The following LRP2 variants were observed in gnomAD, a reference collection of about 807,000 sequenced individuals.
The protein encoded by LRP2 is low-density lipoprotein receptor-related protein 2.
A neutral mutation model predicts 531.0 loss-of-function variants in LRP2; 172 were observed. The ratio of observed to expected loss-of-function variants is 0.32; its 90% confidence interval spans 0.29 to 0.37. LRP2 has a LOEUF of 0.37. Among genes scored for constraint, LRP2 ranks in the 10% least tolerant of loss-of-function variants. The pLI is 1.00. For synonymous variants in LRP2, 1,992 were observed against 2,027.6 expected (o/e 0.98, Z 0.47); for missense variants, 5,167 against 5,868.3 (o/e 0.88, Z 3.90).
intron 1 of LRP2, among the ~76,000 whole-genome samples, chr2:169,351,160 TA>T (rs1685836243): frequency 6.6e-6 from 1 of 152,190 alleles, no homozygotes; most frequent in Non-Finnish European, 1.5e-5. Context: ...GCTAACCAGT[TA>T]AATAAGGACC....
At chr2:169,295,201 G>A (rs1684105294) in intron 4 of LRP2, among the ~76,000 whole-genome samples, 1 of 152,172 alleles carries the variant, frequency 6.6e-6, no homozygotes, top group South Asian at 2.1e-4. Context: ...TAGAGTTCAG[G>A]AGCCCTGGCG....
Position 169,128,619 on chromosome 2 carries a change from GT to G in LRP2, c.*43del. On this transcript the variant is annotated 3_prime_UTR_variant, in exon 79 of 79. Transcript: ENST00000649046. ...TTTCATCTGTTTGTAAAAAATATATGTGCAAAAGTGTGTTTCTAATTATTCC... is the reference window on the plus strand; with the variant it reads ...TTTCATCTGTTTGTAAAAAATATATGGCAAAAGTGTGTTTCTAATTATTCC... 1 of 1,562,968 alleles carries G rather than the reference GT, an allele frequency of 6.4e-7. No homozygotes were observed. Among genetic ancestry groups the G allele is most frequent in the Non-Finnish European group, 8.8e-7 (1 of 1,133,638 alleles).
At chr2:169,133,753 C>T (rs1685375991) in intron 76 of LRP2, among the ~76,000 whole-genome samples, 1 of 152,168 alleles carries the variant, frequency 6.6e-6, no homozygotes, top group African/African-American at 2.4e-5. Context: ...ATTCCTATTT[C>T]ATCTCCCAGC....
chr2:169,174,665 T>G (rs1418568155), intron 55 of LRP2, among the ~76,000 whole-genome samples: 1 of 152,122 alleles, frequency 6.6e-6, no homozygotes, highest in Non-Finnish European at 1.5e-5. Context: ...CATGCCACCA[T>G]GCCAGGCTAA....
rs780656207 is a variant in LRP2, at chr2:169,307,410, A to C, written c.311-13T>G. On this transcript the variant is annotated splice_polypyrimidine_tract_variant and intron_variant, in intron 3 of 78. Transcript: ENST00000649046. ...CATGTACTTTGTGCTGCGAAGAGAAAAAATTATTACTTAATTTATAATTAT... is the reference window on the plus strand; with the variant it reads ...CATGTACTTTGTGCTGCGAAGAGAACAAATTATTACTTAATTTATAATTAT... The C allele has an allele frequency of 1.4e-6, 2 of 1,395,478 alleles. No individual in the cohort carries two copies. Among genetic ancestry groups the C allele is most frequent in the East Asian group, 4.6e-5 (2 of 43,890 alleles). The allele number at this position is 1,395,478 out of a possible 1,614,324, so 86.4% of individuals were successfully genotyped here.
At chr2:169,176,706 C>T (rs987863906) in intron 53 of LRP2, 118 bp from the exon 54 acceptor site, 10 of 883,346 alleles carry the variant, frequency 1.1e-5, no homozygotes, top group Non-Finnish European at 1.8e-5. Flanking sequence ...AAAAACTATC[C>T]TAGATTTATG....
intron 75 of LRP2, 132 bp from the exon 76 acceptor site, chr2:169,137,625 A>G: frequency 3.5e-6 from 2 of 568,496 alleles, no homozygotes; most frequent in Middle Eastern, 4.0e-4. Context: ...GTGCTACGTC[A>G]TAAGTTACCC....
At position 169,256,163 on chromosome 2, in the gene LRP2, T is replaced by C. The variant is rs1690297030; in HGVS notation, c.2713A>G (p.Arg905Gly). ...ATCTGCTCTATATGGCCCAGTCTTC[T>C]TCTGTCTAAACCATCAAAGGTGCTG... ...EHSTFDGLDR[R>G]RLGHIEQMTH... is the part of the protein sequence containing the mutation. The change falls in exon 19 of 79, where the codon AGA becomes GGA. Residue 905 changes from arginine (R) to glycine (G), a missense_variant. Physicochemically the swap from Arg to Gly is moderately radical, Grantham distance 125. Around this residue, in one of 6 missense-constraint regions of LRP2, gnomAD observed 2,811 missense variants for 3,058.0 expected, o/e 0.92. Transcript: ENST00000649046. 1.2e-6 allele frequency: 2 copies of C among 1,612,952 alleles called. No individual in the cohort carries two copies. Among genetic ancestry groups the C allele is most frequent in the Admixed American group, 1.7e-5 (1 of 59,930 alleles).
chr2:169,265,009 C>A (rs139465222), intron 16 of LRP2, among the ~76,000 whole-genome samples: 1 of 152,014 alleles, frequency 6.6e-6, no homozygotes. Context: ...CCTCTGCCCA[C>A]TCCCAGAACA....
chr2:169,262,761 G>A (rs1290152713), intron 16 of LRP2, among the ~76,000 whole-genome samples: 1 of 150,638 alleles, frequency 6.6e-6, no homozygotes, highest in Non-Finnish European at 1.5e-5. Context: ...AGCTCATATG[G>A]AACCAAAAAA....
At chr2:169,260,101 G>C (rs540687977) in intron 16 of LRP2, among the ~76,000 whole-genome samples, 3 of 152,052 alleles carry the variant, frequency 2.0e-5, no homozygotes, top group African/African-American at 7.2e-5. Flanking sequence ...CATTAGTATC[G>C]TTCCTATTCT....
chr2:169,205,794 A>G (rs918923686), intron 40 of LRP2, among the ~76,000 whole-genome samples, 157 bp from the exon 41 acceptor site: 3 of 152,184 alleles, frequency 2.0e-5, no homozygotes, highest in Non-Finnish European at 2.9e-5. Context: ...GAGATCTAGT[A>G]AGTCAGGGTG....
rs376071269 is a variant in LRP2, at chr2:169,259,052, C to T, written c.2486G>A (p.Arg829Gln). ...RTVVQYLNNP[R>Q]SVVVHPFAGY... ...GGCAAAAGGATGAACTACCACCGAC[C>T]GTGGGTTATTTAAATACTGAACTAC... The change falls in exon 17 of 79, where the codon CGG (arginine) becomes CAG (glutamine). Residue 829 changes from arginine to glutamine, a missense_variant. Physicochemically the swap from Arg to Gln is conservative, Grantham distance 43. Around this residue, in one of 6 missense-constraint regions of LRP2, gnomAD observed 2,811 missense variants for 3,058.0 expected, o/e 0.92. Coordinates refer to ENST00000649046, the MANE Select transcript of LRP2 (RefSeq NM_004525.3). The T allele has an allele frequency of 3.7e-6, 6 of 1,613,086 alleles. No homozygotes were observed. Among genetic ancestry groups the T allele is most frequent in the African/African-American group, 1.3e-5 (1 of 74,786 alleles).
chr2:169,145,648 CTTG>C, intron 70 of LRP2, 96 bp downstream of exon 70: 2 of 1,182,710 alleles, frequency 1.7e-6, no homozygotes, highest in South Asian at 2.5e-5. Flanking sequence ...AAGAGATTAG[CTTG>C]TTGTTATCTA....
chr2:169,187,555 G>C (rs1170298760), intron 49 of LRP2, among the ~76,000 whole-genome samples: 1 of 152,142 alleles, frequency 6.6e-6, no homozygotes, highest in South Asian at 2.1e-4. Context: ...GTTGGGGTGA[G>C]AGAGATATTA....
chr2:169,154,972 A>T (rs1348846278), intron 65 of LRP2, among the ~76,000 whole-genome samples: 1 of 152,222 alleles, frequency 6.6e-6, no homozygotes, highest in Non-Finnish European at 1.5e-5. Context: ...TCTATCTCAC[A>T]GAAGAAATAC....
chr2:169,209,584 T>C lies in LRP2; in HGVS notation c.6338A>G (p.Asp2113Gly), dbSNP rs1310280470. The C allele has an allele frequency of 2.0e-5, 33 of 1,613,962 alleles. No individual in the cohort carries two copies. Among genetic ancestry groups the C allele is most frequent in the Non-Finnish European group, 2.7e-5 (32 of 1,180,018 alleles). ...DVSSGFIYWC[D>G]FSSSVASDNA... ...ATCAGATGCCACTGAGCTGCTAAAA[T>C]CACACCAATAAATAAAGCCAGAGGA... Residue 2113 changes from aspartate to glycine, a missense_variant, in exon 38 of 79, where the codon GAT becomes GGT. Coordinates refer to ENST00000649046, the MANE Select transcript of LRP2 (RefSeq NM_004525.3).
At chr2:169,149,742 A>C (rs1686054537) in intron 68 of LRP2, among the ~76,000 whole-genome samples, 1 of 152,102 alleles carries the variant, frequency 6.6e-6, no homozygotes, top group Admixed American at 6.5e-5. Context: ...AGGCTGAGGC[A>C]GGAGAATCAC....
intron 70 of LRP2, among the ~76,000 whole-genome samples, chr2:169,145,477 T>C (rs1685873528): frequency 6.6e-6 from 1 of 152,236 alleles, no homozygotes; most frequent in Non-Finnish European, 1.5e-5. Flanking sequence ...GAAGTACATA[T>C]CCATCACTCC....
Sources: gnomAD v4.1 joint callset for allele counts (sites outside exome capture counted in the v4.1 genomes callset) on GRCh38, gnomAD v4.1.1 for gene constraint, gnomAD v4.1.1 regional missense constraint, MANE v1.5 for transcripts, NCBI Gene and HGNC (gene_info 2026-07-23, HGNC 2026-07-21) for gene names.